TBCD: variants seen among roughly 807,000 people sequenced by gnomAD.
TBCD encodes the protein tubulin folding cofactor D, also known as tubulin-specific chaperone D.
Under a neutral mutation model 169.3 loss-of-function variants are expected in TBCD, and 105 were observed. The ratio of observed to expected loss-of-function variants is 0.62; its 90% confidence interval spans 0.53 to 0.73. TBCD has a LOEUF of 0.73. TBCD is among the 30% of genes least tolerant of loss of function. The pLI, the probability that TBCD is intolerant of heterozygous loss-of-function variation, is 0.00. For synonymous variants in TBCD, 700 were observed against 643.9 expected (o/e 1.09, Z -1.32); for missense variants, 1,444 against 1,600.1 (o/e 0.90, Z 1.66).
chr17:82,840,707 C>G (rs1314684769), intron 13 of TBCD: 3 of 152,342 alleles, frequency 2.0e-5, no homozygotes, highest in African/African-American at 7.2e-5. Context: ...CCTCCCCCCA[C>G]TTTAAATTGC....
intron 13 of TBCD, among the ~76,000 whole-genome samples, chr17:82,843,807 G>C (rs924988741): frequency 6.6e-6 from 1 of 152,218 alleles, no homozygotes; most frequent in South Asian, 2.1e-4. Flanking sequence ...TGACAAATGT[G>C]TTCTCCCATT....
intron 36 of TBCD, chr17:82,939,166 T>C: frequency 1.6e-6 from 1 of 609,426 alleles, no homozygotes; most frequent in Non-Finnish European, 2.9e-6. Context: ...GCTGTGTGTC[T>C]GTGGAGGGAG....
chr17:82,822,414 C>CGCTGAGA (rs753617113), intron 13 of TBCD, among the ~76,000 whole-genome samples: 49 of 152,230 alleles, frequency 3.2e-4, no homozygotes, highest in Non-Finnish European at 5.6e-4. Flanking sequence ...GCGACATTTA[C>CGCTGAGA]GCTGAGAGCT....
rs567041677 is a variant in TBCD, at chr17:82,799,796, T to C, written c.818-1068T>C. On this transcript the variant is annotated intron_variant, in intron 8 of 38. Coordinates refer to ENST00000355528, the MANE Select transcript of TBCD (RefSeq NM_005993.5). ...GTGAACACAGACCTCCCTCTTGGGC[T>C]GTCGTGCTTGTCACCCACGCTCATT... Among the ~76,000 whole-genome samples the C allele has an allele frequency of 2.6e-5, 4 of 152,364 alleles. No homozygotes were observed. The South Asian group carries it at 8.3e-4, about 32-fold the overall frequency.
intron 17 of TBCD, among the ~76,000 whole-genome samples, chr17:82,899,173 C>CGTCCTCGGCTCGTGTCCTCGGCTCGT (rs879771512): frequency 3.3e-5 from 5 of 150,732 alleles, no homozygotes; most frequent in Admixed American, 2.6e-4. Flanking sequence ...GCAGTGCGCG[C>CGTCCTCGGCTCGTGTCCTCGGCTCGT]GTCCTCGGCT....
At chr17:82,754,374 C>A (rs1015511611) in intron 1 of TBCD, among the ~76,000 whole-genome samples, 1 of 152,138 alleles carries the variant, frequency 6.6e-6, no homozygotes, top group African/African-American at 2.4e-5. Flanking sequence ...GTCCGTGGAT[C>A]CTAGTGTAGG....
chr17:82,754,037 C>T (rs145767394), intron 1 of TBCD, among the ~76,000 whole-genome samples: 14 of 152,006 alleles, frequency 9.2e-5, no homozygotes, highest in African/African-American at 3.1e-4. Flanking sequence ...CCACCACGCC[C>T]ACCTAATTTT....
chr17:82,784,539 T>A (rs1186192979), intron 7 of TBCD, among the ~76,000 whole-genome samples: 1 of 152,148 alleles, frequency 6.6e-6, no homozygotes, highest in Non-Finnish European at 1.5e-5. Flanking sequence ...TCAGGGAATG[T>A]GCGTTTTATG....
chr17:82,929,108 T>C lies in TBCD; in HGVS notation c.2694-5T>C. On this transcript the variant is annotated splice_region_variant and splice_polypyrimidine_tract_variant and intron_variant, in intron 30 of 38. Transcript: ENST00000355528. ...CTTGGTTTACCTCCTGCTCTCGGTT[T>C]GCAGCTGTGAGCGCATCATGTGCTG... 6.2e-7 allele frequency: 1 copy of C among 1,606,782 alleles called. No individual in the cohort carries two copies. Among genetic ancestry groups the C allele is most frequent in the Non-Finnish European group, 8.5e-7 (1 of 1,177,734 alleles).
At chr17:82,909,803 A>AGGAC in intron 22 of TBCD, among the ~76,000 whole-genome samples, 1 of 152,218 alleles carries the variant, frequency 6.6e-6, no homozygotes, top group Admixed American at 6.5e-5. Context: ...CTTGCTGGTC[A>AGGAC]TAGGCAGGGG....
intron 5 of TBCD, among the ~76,000 whole-genome samples, chr17:82,769,568 T>C (rs887128109): frequency 3.3e-5 from 5 of 152,194 alleles, no homozygotes; most frequent in Admixed American, 6.5e-5. Flanking sequence ...TAATCACTTA[T>C]GGATTAATAA....
chr17:82,790,059 C>T (rs988659409), intron 7 of TBCD, among the ~76,000 whole-genome samples: 2 of 152,134 alleles, frequency 1.3e-5, no homozygotes, highest in Admixed American at 6.5e-5. Context: ...GTGGCTGCGC[C>T]GCCACCCTGT....
intron 14 of TBCD, among the ~76,000 whole-genome samples, chr17:82,870,795 C>T (rs1403501246): frequency 6.6e-6 from 1 of 152,260 alleles, no homozygotes; most frequent in Non-Finnish European, 1.5e-5. Flanking sequence ...GGTCGTGGGT[C>T]TTGGCGAGAG....
rs1266904796 is a variant in TBCD, at chr17:82,941,411, T to C, written c.3492T>C (p.Leu1164=). The change falls in exon 38 of 39, where the codon CTT becomes CTC. Residue 1164 remains leucine, a synonymous_variant. Coordinates refer to ENST00000355528, the MANE Select transcript of TBCD (RefSeq NM_005993.5). ...CCTCTCCTCACAGGGACGCGGAGCTTGCAGTGGTGAGAGAGCAGCGCAACC... is the reference window on the plus strand; with the variant it reads ...CCTCTCCTCACAGGGACGCGGAGCTCGCAGTGGTGAGAGAGCAGCGCAACC... ...VLSDTAWDAE[L]AVVREQRNRL... 2 of 1,596,666 alleles carry C rather than the reference T, an allele frequency of 1.3e-6. No individual in the cohort carries two copies. Among genetic ancestry groups the C allele is most frequent in the Non-Finnish European group, 1.7e-6 (2 of 1,175,354 alleles).
intron 14 of TBCD, among the ~76,000 whole-genome samples, chr17:82,879,473 A>T (rs952645316): frequency 6.6e-6 from 1 of 152,096 alleles, no homozygotes; most frequent in African/African-American, 2.4e-5. Context: ...TCAGGGTGGG[A>T]CGCTCTGTGC....
chr17:82,900,433 G>A (rs1040986078), intron 17 of TBCD: 11 of 490,186 alleles, frequency 2.2e-5, no homozygotes, highest in Admixed American at 1.1e-4. Context: ...AGATTTCGCC[G>A]TTACACATGA....
At chr17:82,906,153 C>T (rs1448170337) in intron 20 of TBCD, 100 bp downstream of exon 20, 6 of 945,262 alleles carry the variant, frequency 6.3e-6, no homozygotes, top group Non-Finnish European at 9.6e-6. Flanking sequence ...CATCCCTTCT[C>T]ATTTTTGTTT....
At position 82,924,981 on chromosome 17, in the gene TBCD, A is replaced by G. The variant is rs773297162; in HGVS notation, c.2303A>G (p.Glu768Gly). The G allele has an allele frequency of 1.8e-5, 29 of 1,575,554 alleles. No homozygotes were observed. Among genetic ancestry groups the G allele is most frequent in the Non-Finnish European group, 2.2e-5 (25 of 1,159,428 alleles). ...TACCTGGCTGAGCTTCGGAACCCCG[A>G]GGAGATGACTCGCTGTGGCTTCTCG... ...TQYLAELRNP[E>G]EMTRCGFSLA... Residue 768 changes from glutamate to glycine, a missense_variant, in exon 27 of 39, where the codon GAG (glutamate) becomes GGG (glycine). Coordinates refer to ENST00000355528, the MANE Select transcript of TBCD (RefSeq NM_005993.5).
In TBCD at chr17:82,923,724, G is replaced by T; in HGVS notation, c.2251G>T (p.Ala751Ser). 1 of 1,597,710 alleles carries T rather than the reference G, an allele frequency of 6.3e-7. No homozygotes were observed. The highest frequency in any genetic ancestry group is 8.5e-7 in the Non-Finnish European group (1 of 1,172,396). ...YMKEPGEADP[A>S]IQEELITQYL... is the part of the protein sequence containing the mutation. ...GAAGGAGCCGGGGGAGGCAGATCCC[G>T]CAATTCAGGGTGAGTGGGGAGCCCT... is the stretch of plus-strand genomic sequence containing the variant. The change falls in exon 26 of 39, where the codon GCA becomes TCA. Residue 751 changes from alanine (A) to serine (S), a missense_variant. By Grantham distance (99) the Ala-to-Ser change is moderately conservative. Coordinates refer to ENST00000355528, the MANE Select transcript of TBCD (RefSeq NM_005993.5). The surrounding 1 kb of genome is among the most constrained non-coding windows in gnomAD (Gnocchi z 4.6).
Sources: gnomAD v4.1 joint callset for allele counts (sites outside exome capture counted in the v4.1 genomes callset) on GRCh38, gnomAD v4.1.1 for gene constraint, Gnocchi (gnomAD v3.1) non-coding constraint, MANE v1.5 for transcripts, NCBI Gene and HGNC (gene_info 2026-07-23, HGNC 2026-07-21) for gene names.